Variants in MTUS2 observed in about 807,000 individuals in gnomAD.
MTUS2 encodes microtubule-associated tumor suppressor candidate 2.
In MTUS2, 40 loss-of-function variants were observed where a neutral mutation model predicts 114.1. The ratio of observed to expected loss-of-function variants is 0.35; its 90% CI spans 0.27 to 0.46. The LOEUF is 0.46. Among genes scored for constraint, MTUS2 ranks in the 20% least tolerant of loss-of-function variants. MTUS2 has a pLI of 1.00. For synonymous variants in MTUS2, 688 were observed against 672.0 expected (o/e 1.02, Z -0.37); for missense variants, 1,679 against 1,705.4 (o/e 0.98, Z 0.27).
intron 5 of MTUS2, among the ~76,000 whole-genome samples, chr13:29,260,491 A>G (rs1299511091): frequency 6.6e-6 from 1 of 152,194 alleles, no homozygotes; most frequent in Non-Finnish European, 1.5e-5. Context: ...TTTATATCCT[A>G]TCGCTCAATG....
intron 2 of MTUS2, among the ~76,000 whole-genome samples, chr13:28,889,538 T>C (rs1489827841): frequency 2.0e-5 from 3 of 152,216 alleles, no homozygotes; most frequent in Non-Finnish European, 2.9e-5. Context: ...GGTGTGTCTC[T>C]TTTTCAAGGA....
chr13:28,834,265 A>G (rs1874911919), intron 1 of MTUS2, among the ~76,000 whole-genome samples: 1 of 152,162 alleles, frequency 6.6e-6, no homozygotes, highest in Non-Finnish European at 1.5e-5. Context: ...CACAAGTTCT[A>G]ATTTCAAAAC....
At chr13:29,493,400 T>C (rs1197028182) in intron 12 of MTUS2, among the ~76,000 whole-genome samples, 4 of 152,128 alleles carry the variant, frequency 2.6e-5, no homozygotes, top group African/African-American at 7.2e-5. Context: ...AGGGGGACGC[T>C]AGGGGCCCTG....
chr13:29,183,342 T>C (rs1894086506), intron 5 of MTUS2, among the ~76,000 whole-genome samples: 1 of 151,850 alleles, frequency 6.6e-6, no homozygotes, highest in Non-Finnish European at 1.5e-5. Flanking sequence ...CTGTCATCAA[T>C]GGAGATGAGG....
intron 5 of MTUS2, among the ~76,000 whole-genome samples, chr13:29,198,892 G>A (rs149956473): frequency 3.9e-5 from 6 of 152,214 alleles, no homozygotes; most frequent in African/African-American, 1.2e-4. Context: ...GTATAGGAAC[G>A]CTTGTGATTT....
chr13:29,195,693 C>G (rs954475177), intron 5 of MTUS2, among the ~76,000 whole-genome samples: 1 of 152,090 alleles, frequency 6.6e-6, no homozygotes, highest in African/African-American at 2.4e-5. Flanking sequence ...CCAGCCTGGG[C>G]CAGTCAGGGA....
At chr13:29,268,612 C>G (rs1897757572) in intron 5 of MTUS2, among the ~76,000 whole-genome samples, 1 of 152,172 alleles carries the variant, frequency 6.6e-6, no homozygotes, top group African/African-American at 2.4e-5. Flanking sequence ...TTTCCACAGC[C>G]CTCCATGGTG....
At position 28,907,107 on chromosome 13, in the gene MTUS2, TAAAG is replaced by T. The variant is rs376338214; in HGVS notation, c.-243+67261_-243+67264del. ...AGTGGGGGCCAGTATTCAACATTCT[TAAAG>T]AAAAGAATTTTCAACCCAGAATTTC... On this transcript the variant is annotated intron_variant, in intron 2 of 15. Transcript: ENST00000612955. 6.4e-3 allele frequency among the ~76,000 whole-genome samples: 969 copies of T among 151,572 alleles called. 43 individuals are homozygous for T. Among genetic ancestry groups the T allele is most frequent in the Admixed American group, 0.045 (690 of 15,234 alleles).
Position 28,977,237 on chromosome 13 carries a change from G to T in MTUS2, c.-242-47220G>T, listed in dbSNP as rs529596830. On this transcript the variant is annotated intron_variant, in intron 2 of 15. Transcript: ENST00000612955. ...AGTATGATTGATGAATCGCATCCTGGTGTCTCTTTTTCATTTAAAATTATT... is the reference window on the plus strand; with the variant it reads ...AGTATGATTGATGAATCGCATCCTGTTGTCTCTTTTTCATTTAAAATTATT... Among the ~76,000 whole-genome samples the T allele has an allele frequency of 9.9e-5, 15 of 152,228 alleles. No homozygotes were observed. In the South Asian group the frequency reaches 3.1e-3, roughly 32 times the overall value.
intron 4 of MTUS2, among the ~76,000 whole-genome samples, chr13:29,058,969 A>G (rs888408002): frequency 3.3e-5 from 5 of 151,926 alleles, no homozygotes; most frequent in Admixed American, 3.3e-4. Context: ...ATATTGATTT[A>G]TTGTATTCTT....
rs1209126771 is a variant in MTUS2, at chr13:29,317,455, G to A, written c.2807-7158G>A. 4.7e-4 allele frequency among the ~76,000 whole-genome samples: 4 copies of A among 8,524 alleles called. 2 individuals are homozygous for A. Among genetic ancestry groups the A allele is most frequent in the Non-Finnish European group, 1.1e-3 (4 of 3,748 alleles). The allele number at this position is 8,524 out of a possible 152,430, so 5.6% of individuals were successfully genotyped here. On this transcript the variant is annotated intron_variant, in intron 6 of 15. Coordinates refer to ENST00000612955, the MANE Select transcript of MTUS2 (RefSeq NM_001033602.4). ...CTCTTTTTTTTTTTTTTTTTGAGAC[G>A]GAGTCTCGCTCTGTCGCCCAGGCCG...
intron 5 of MTUS2, among the ~76,000 whole-genome samples, chr13:29,231,992 TAAAAG>T (rs1332016684): frequency 1.3e-5 from 2 of 152,150 alleles, no homozygotes; most frequent in African/African-American, 2.4e-5. Flanking sequence ...TATATTCAAA[TAAAAG>T]AGAAATAAAA....
At chr13:29,075,698 A>G (rs1248757816) in intron 4 of MTUS2, among the ~76,000 whole-genome samples, 2 of 152,188 alleles carry the variant, frequency 1.3e-5, no homozygotes, top group Non-Finnish European at 2.9e-5. Flanking sequence ...ATTACCAGTC[A>G]TTTAAGACAC....
chr13:28,862,438 C>G (rs908003356), intron 2 of MTUS2, among the ~76,000 whole-genome samples: 9 of 152,156 alleles, frequency 5.9e-5, no homozygotes, highest in East Asian at 3.9e-4. Flanking sequence ...TGGTAAAACC[C>G]TGTCTCTACT....
At chr13:29,119,958 A>G (rs1432029656) in intron 5 of MTUS2, among the ~76,000 whole-genome samples, 1 of 152,230 alleles carries the variant, frequency 6.6e-6, no homozygotes, top group East Asian at 1.9e-4. Flanking sequence ...ATACATAAAA[A>G]TAGGTCATGT....
At chr13:28,957,024 A>C (rs1883104855) in intron 2 of MTUS2, among the ~76,000 whole-genome samples, 1 of 152,208 alleles carries the variant, frequency 6.6e-6, no homozygotes, top group Non-Finnish European at 1.5e-5. Flanking sequence ...AGAAGGAAGA[A>C]GGCTGCCCTA....
At chr13:29,088,321 G>T (rs1675576373) in intron 4 of MTUS2, among the ~76,000 whole-genome samples, 2 of 152,062 alleles carry the variant, frequency 1.3e-5, no homozygotes, top group South Asian at 4.2e-4. Context: ...TAATTTTATT[G>T]TGTGATCTCA....
intron 4 of MTUS2, among the ~76,000 whole-genome samples, chr13:29,086,250 T>A (rs756276550): frequency 3.3e-5 from 5 of 152,218 alleles, no homozygotes; most frequent in Non-Finnish European, 7.3e-5. Context: ...ATGCTATTGA[T>A]AGGTTGTTTT....
chr13:29,469,562 A>G (rs1211543723), intron 9 of MTUS2, among the ~76,000 whole-genome samples: 2 of 151,482 alleles, frequency 1.3e-5, no homozygotes, highest in Non-Finnish European at 1.5e-5. Context: ...GGGAGGCAGA[A>G]GTTGCAGTGA....
Sources: allele counts gnomAD v4.1 joint callset (sites outside exome capture counted in the v4.1 genomes callset), GRCh38; gene constraint gnomAD v4.1.1; transcripts MANE v1.5; gene names NCBI Gene and HGNC (gene_info 2026-07-23, HGNC 2026-07-21).